CD72: variants seen among roughly 807,000 people sequenced by gnomAD.
CD72 encodes CD72 molecule.
In CD72, 28 loss-of-function variants were observed where a neutral mutation model predicts 50.7. The observed-to-expected ratio is 0.55, with a 90% confidence interval of 0.41 to 0.76. The LOEUF is 0.76. CD72 is among the 30% of genes least tolerant of loss of function. CD72 has a pLI of 0.00. For missense variants in CD72, 403 were observed against 420.6 expected, an observed-to-expected ratio of 0.96 and a Z score of 0.37; for synonymous variants, 176 against 171.2, an observed-to-expected ratio of 1.03 and a Z score of -0.22.
Position 35,615,890 on chromosome 9 carries a change from A to C in CD72, c.688+53T>G. ...TGGGTGATAGACTCCTGCCACTACT[A>C]TCTCCTTGCTCCAATCCATCCCTCC... On this transcript the variant is annotated intron_variant, in intron 5 of 8. Coordinates refer to ENST00000259633, the MANE Select transcript of CD72 (RefSeq NM_001782.3). 4.2e-6 allele frequency: 6 copies of C among 1,428,662 alleles called. No homozygotes were observed. The South Asian group carries it at 4.8e-5, about 11-fold the overall frequency. 88.5% of individuals were successfully genotyped at this position (1,428,662 alleles called of 1,614,324 possible). A position where few individuals can be genotyped will look rare whatever the true frequency, so the allele number is the denominator to read the frequency against.
chr9:35,644,684 T>C (rs1823371172), intron 1 of CD72, among the ~76,000 whole-genome samples: 1 of 152,140 alleles, frequency 6.6e-6, no homozygotes, highest in Non-Finnish European at 1.5e-5. Flanking sequence ...AGACAAGGGA[T>C]CTGATTAACT....
chr9:35,635,788 C>T (rs566513294), intron 1 of CD72, among the ~76,000 whole-genome samples: 1 of 152,276 alleles, frequency 6.6e-6, no homozygotes, highest in Admixed American at 6.5e-5. Context: ...AGGCTGTTTT[C>T]CAGAACTTGT....
chr9:35,624,358 G>A (rs967293849), upstream of CD72, among the ~76,000 whole-genome samples: 1 of 151,998 alleles, frequency 6.6e-6, no homozygotes, highest in Non-Finnish European at 1.5e-5. Flanking sequence ...ATCAGGATGA[G>A]TTTATCAAAT....
intron 4 of CD72, 128 bp from the exon 5 acceptor site, chr9:35,616,406 T>A: frequency 1.2e-6 from 1 of 868,970 alleles, no homozygotes; most frequent in Non-Finnish European, 1.8e-6. Context: ...AAGATTTGAC[T>A]GACTAAAGCG....
chr9:35,632,959 G>A (rs947294164), intron 1 of CD72, among the ~76,000 whole-genome samples: 2 of 134,146 alleles, frequency 1.5e-5, no homozygotes, highest in African/African-American at 5.6e-5. Context: ...GAGACAGGGT[G>A]TGGCTCTGTT....
chr9:35,625,943 G>A (rs1003391562), intron 1 of CD72, among the ~76,000 whole-genome samples: 1 of 152,120 alleles, frequency 6.6e-6, no homozygotes, highest in Non-Finnish European at 1.5e-5. Flanking sequence ...CATTGGCAAT[G>A]TGCCTAGTCA....
chr9:35,625,863 G>A (rs1417285725), intron 1 of CD72, among the ~76,000 whole-genome samples: 6 of 152,108 alleles, frequency 3.9e-5, no homozygotes, highest in Non-Finnish European at 4.4e-5. Flanking sequence ...ACAGTTTAGT[G>A]AATATTTTAA....
chr9:35,645,338 G>A (rs543747296), intron 1 of CD72, among the ~76,000 whole-genome samples: 2 of 152,270 alleles, frequency 1.3e-5, no homozygotes, highest in Admixed American at 6.5e-5. Context: ...TGTGGCTCAC[G>A]CCTGTAATCC....
At chr9:35,645,864 T>G (rs1225989384) in intron 1 of CD72, among the ~76,000 whole-genome samples, 1 of 151,224 alleles carries the variant, frequency 6.6e-6, no homozygotes, top group Non-Finnish European at 1.5e-5. Flanking sequence ...CTATAAGTAA[T>G]TTCTTAAGAA....
chr9:35,616,733 A>C (rs1236232211), intron 3 of CD72, 44 bp from the exon 4 acceptor site: 1 of 1,507,064 alleles, frequency 6.6e-7, no homozygotes, highest in Admixed American at 1.7e-5. Flanking sequence ...AGCCCCCGTA[A>C]AGAATGTAGA....
rs746621401 is a variant in CD72 at position 35,613,005 on chromosome 9, A to G, written c.689-12T>C. On this transcript the variant is annotated splice_polypyrimidine_tract_variant and intron_variant, in intron 5 of 8. Transcript: ENST00000259633. ...CGGACAGCAGGTGTCTAAAAAGCAG[A>G]AAGAGTGTGATAGCAGCAACAGTTG... The G allele has an allele frequency of 3.9e-5, 63 of 1,603,310 alleles. No homozygotes were observed. The highest frequency in any genetic ancestry group is 5.3e-5 in the Non-Finnish European group (62 of 1,173,066).
At chr9:35,645,634 G>C (rs941655969) in intron 1 of CD72, among the ~76,000 whole-genome samples, 1 of 152,006 alleles carries the variant, frequency 6.6e-6, no homozygotes, top group Non-Finnish European at 1.5e-5. Flanking sequence ...CATTGTATGC[G>C]TATATCAAAA....
intron 1 of CD72, among the ~76,000 whole-genome samples, chr9:35,630,023 G>C (rs1481753646): frequency 2.1e-5 from 3 of 143,226 alleles, no homozygotes; most frequent in African/African-American, 7.7e-5. Context: ...ATTTGGTAAA[G>C]TGAATTTCTT....
chr9:35,619,187 A>G (rs1481116183), upstream of CD72, among the ~76,000 whole-genome samples: 1 of 152,194 alleles, frequency 6.6e-6, no homozygotes, highest in Non-Finnish European at 1.5e-5. Flanking sequence ...CCCCAAGGAA[A>G]AAGGGGGCAT....
At chr9:35,610,822 C>G (rs764421536) in intron 7 of CD72, 69 bp from the exon 8 acceptor site, 3 of 1,354,166 alleles carry the variant, frequency 2.2e-6, no homozygotes, top group South Asian at 1.2e-5. Flanking sequence ...CTCCCCTTCC[C>G]CTGTATAAAA....
At chr9:35,617,885 C>G in intron 2 of CD72, 129 bp downstream of exon 2, 1 of 716,118 alleles carries the variant, frequency 1.4e-6, no homozygotes, top group South Asian at 1.6e-5. Context: ...GAGCCATGAT[C>G]ACACCACTGC....
intron 1 of CD72, among the ~76,000 whole-genome samples, chr9:35,645,596 A>AC (rs200726680): frequency 2.5e-4 from 35 of 138,236 alleles, no homozygotes; most frequent in East Asian, 8.0e-4. Context: ...AACAAAAACA[A>AC]ACAAAAAAAA....
upstream of CD72, chr9:35,646,842 C>G (rs1371720202): frequency 1.3e-5 from 2 of 152,308 alleles, no homozygotes; most frequent in South Asian, 2.1e-4. Context: ...TGGGGTGGCC[C>G]CGAAGCGTCG....
chr9:35,611,642 T>C (rs1822986643), intron 7 of CD72, among the ~76,000 whole-genome samples, 162 bp downstream of exon 7: 2 of 152,176 alleles, frequency 1.3e-5, no homozygotes, highest in South Asian at 4.1e-4. Context: ...AAGATTGCCC[T>C]AAGAAGTTAT....
Sources: gnomAD v4.1 joint callset for allele counts (sites outside exome capture counted in the v4.1 genomes callset) on GRCh38, gnomAD v4.1.1 for gene constraint, MANE v1.5 for transcripts, NCBI Gene and HGNC (gene_info 2026-07-23, HGNC 2026-07-21) for gene names.